BRSK1: variants seen among roughly 807,000 people sequenced by gnomAD.
The protein encoded by BRSK1 is BR serine/threonine kinase 1, also known as serine/threonine-protein kinase BRSK1.
BRSK1 carries 17 observed loss-of-function variants against 86.2 expected under a neutral mutation model. The ratio of observed to expected loss-of-function variants is 0.20; its 90% CI spans 0.14 to 0.30. The LOEUF is 0.30. BRSK1 is among the 10% of genes least tolerant of loss of function. BRSK1 has a pLI of 1.00. For synonymous variants in BRSK1, 464 were observed against 440.1 expected (o/e 1.05, Z -0.68); for missense variants, 719 against 1,071.9 (o/e 0.67, Z 4.60).
In BRSK1 at chr19:55,304,776, C is replaced by A; in HGVS notation, c.1573C>A (p.Arg525=). ...CTTGCACTCGCCTCTGCACACGCCC[C>A]GGGCCAGTCCCACCGGGACCCCGGG... ...TPLHSPLHTP[R]ASPTGTPGTT... is the part of the protein sequence containing the mutation. The change falls in exon 14 of 19, where the codon CGG becomes AGG. Residue 525 remains arginine, a synonymous_variant. Transcript: ENST00000309383. This position sits in a 1 kb window ranked among gnomAD's most constrained non-coding sequence, Gnocchi z 5.2. 6.4e-7 allele frequency: 1 copy of A among 1,553,960 alleles called. No individual in the cohort carries two copies.
chr19:55,292,314 T>G (rs1489833884), intron 4 of BRSK1, among the ~76,000 whole-genome samples: 2 of 152,170 alleles, frequency 1.3e-5, no homozygotes, highest in African/African-American at 4.8e-5. Context: ...GCATATCAGC[T>G]TTACCTCAAA....
chr19:55,292,037 G>A (rs1405580228), intron 4 of BRSK1, among the ~76,000 whole-genome samples: 1 of 152,184 alleles, frequency 6.6e-6, no homozygotes, highest in Non-Finnish European at 1.5e-5. Context: ...TGGGATGACA[G>A]GCTTGAGCCA....
At chr19:55,309,321 C>T (rs1396904499) in intron 18 of BRSK1, among the ~76,000 whole-genome samples, 2 of 152,160 alleles carry the variant, frequency 1.3e-5, no homozygotes, top group South Asian at 2.1e-4. Context: ...CCGGCCTTCC[C>T]GGGCTCCCAG....
Position 55,302,573 on chromosome 19 carries a change from GGGTAT to G in BRSK1, c.858-122_858-118del. ...CGAGGTCTGGGGCGTCTGGATTCCT[GGGTAT>G]GAGAGAGAAGGGGCCGGGGCCTAGA... On this transcript the variant is annotated intron_variant, in intron 9 of 18. Coordinates refer to ENST00000309383, the MANE Select transcript of BRSK1 (RefSeq NM_032430.2). This position sits in a 1 kb window ranked among gnomAD's most constrained non-coding sequence, Gnocchi z 6.3. 7.8e-7 allele frequency: 1 copy of G among 1,274,420 alleles called. No homozygotes were observed. The highest frequency in any genetic ancestry group is 2.3e-5 in the East Asian group (1 of 42,790). 78.9% of individuals were successfully genotyped at this position (1,274,420 alleles called of 1,614,324 possible).
At chr19:55,298,867 G>A (rs546445448) in intron 7 of BRSK1, among the ~76,000 whole-genome samples, 1 of 152,180 alleles carries the variant, frequency 6.6e-6, no homozygotes, top group African/African-American at 2.4e-5. Context: ...CCCTCTGATG[G>A]GCATGCTTTG....
Position 55,299,030 on chromosome 19 carries a change from G to A in BRSK1, c.679-2482G>A, listed in dbSNP as rs577404326. The stretch of plus-strand genomic sequence containing the variant: ...GGGCAGATCACGAAGTCAGGAGTTC[G>A]AGACCAGCCTGGCCAATCAGGAGGC... On this transcript the variant is annotated intron_variant, in intron 7 of 18. Coordinates refer to ENST00000309383, the MANE Select transcript of BRSK1 (RefSeq NM_032430.2). Among the ~76,000 whole-genome samples the A allele has an allele frequency of 7.6e-4, 116 of 152,146 alleles. 1 individual carries two copies. The highest frequency in any genetic ancestry group is 1.4e-3 in the Non-Finnish European group (96 of 67,974).
At position 55,302,690 on chromosome 19, in the gene BRSK1, TC is replaced by T. The variant is rs2088589689; in HGVS notation, c.858-3del. On this transcript the variant is annotated splice_region_variant and splice_polypyrimidine_tract_variant and intron_variant, in intron 9 of 18. Coordinates refer to ENST00000309383, the MANE Select transcript of BRSK1 (RefSeq NM_032430.2). This position sits in a 1 kb window ranked among gnomAD's most constrained non-coding sequence, Gnocchi z 6.3. Reference sequence around the variant, plus strand: ...CGGTTCCCAATAATGTTTCTCCACTTCCCCAGAGGCGGGAAACACGAGCCAG... The same window carrying T: ...CGGTTCCCAATAATGTTTCTCCACTTCCCAGAGGCGGGAAACACGAGCCAG... 6.3e-7 allele frequency: 1 copy of T among 1,599,532 alleles called. No individual in the cohort carries two copies. The highest frequency in any genetic ancestry group is 8.5e-7 in the Non-Finnish European group (1 of 1,170,298).
At chr19:55,309,454 CAG>C (rs2088731932) in intron 18 of BRSK1, among the ~76,000 whole-genome samples, 1 of 152,210 alleles carries the variant, frequency 6.6e-6, no homozygotes, top group East Asian at 1.9e-4. Context: ...TTACAAATAA[CAG>C]AAATTTATTG....
At chr19:55,308,767 GC>G (rs1322895611) in intron 18 of BRSK1, 39 bp downstream of exon 18, 32 of 311,092 alleles carry the variant, frequency 1.0e-4, no homozygotes, top group Non-Finnish European at 1.5e-4. Context: ...GGCGTGGGTG[GC>G]GGGGGCCGTG....
rs989950971 is a variant in BRSK1, at chr19:55,302,236, C to G, written c.857+68C>G. On this transcript the variant is annotated intron_variant, in intron 9 of 18. Coordinates refer to ENST00000309383, the MANE Select transcript of BRSK1 (RefSeq NM_032430.2). This position sits in a 1 kb window ranked among gnomAD's most constrained non-coding sequence, Gnocchi z 6.3. ...AGGGGAGGGGCCAAAGCAGTAGAAG[C>G]GGCTGGGAGGGGTGGGATGCCAGGG... 5 of 1,574,648 alleles carry G rather than the reference C, an allele frequency of 3.2e-6. No individual in the cohort carries two copies. The highest frequency in any genetic ancestry group is 2.7e-5 in the African/African-American group (2 of 73,950).
chr19:55,307,111 G>A (rs1337484987), intron 17 of BRSK1, among the ~76,000 whole-genome samples: 1 of 152,232 alleles, frequency 6.6e-6, no homozygotes, highest in African/African-American at 2.4e-5. Flanking sequence ...ATTTGGATAG[G>A]GAGGGATATC....
rs896974852 is a variant in BRSK1 at position 55,304,998 on chromosome 19, G to C, written c.1717+78G>C. The stretch of plus-strand genomic sequence containing the variant: ...AATCTGGTTCCAGGGATGTCCGTCT[G>C]GCGTGTCTAGAGAGGAAGGGACTGG... On this transcript the variant is annotated intron_variant, in intron 14 of 18. Coordinates refer to ENST00000309383, the MANE Select transcript of BRSK1 (RefSeq NM_032430.2). The surrounding 1 kb of genome is among the most constrained non-coding windows in gnomAD (Gnocchi z 5.2). 8 of 1,570,446 alleles carry C rather than the reference G, an allele frequency of 5.1e-6. No homozygotes were observed. The highest frequency in any genetic ancestry group is 2.3e-4 in the Middle Eastern group (1 of 4,340).
intron 17 of BRSK1, among the ~76,000 whole-genome samples, chr19:55,307,788 A>ACAC (rs1458252845): frequency 1.2e-4 from 12 of 97,876 alleles, no homozygotes; most frequent in African/African-American, 3.8e-4. Context: ...ACACACACAC[A>ACAC]ATTTAAAAAA....
rs138223768 is a variant in BRSK1 at position 55,287,187 on chromosome 19, C to T, written c.232-27C>T. Reference sequence around the variant, plus strand: ...GCGGGGCCGTGCTGACCTCTTTTCCCGTGTCCCCACCCCTCTTGACCCTCA... The same window carrying T: ...GCGGGGCCGTGCTGACCTCTTTTCCTGTGTCCCCACCCCTCTTGACCCTCA... On this transcript the variant is annotated intron_variant, in intron 2 of 18. Coordinates refer to ENST00000309383, the MANE Select transcript of BRSK1 (RefSeq NM_032430.2). This position sits in a 1 kb window ranked among gnomAD's most constrained non-coding sequence, Gnocchi z 5.3. The T allele has an allele frequency of 0.01, 16,682 of 1,613,766 alleles. 98 individuals are homozygous for T. Among genetic ancestry groups the T allele is most frequent in the Middle Eastern group, 0.013 (79 of 6,062 alleles).
chr19:55,306,708 G>A lies in BRSK1; in HGVS notation c.2089+258G>A, dbSNP rs981960057. Among the ~76,000 whole-genome samples, 1 of 152,184 alleles carries A rather than the reference G, an allele frequency of 6.6e-6. No individual in the cohort carries two copies. The highest frequency in any genetic ancestry group is 2.4e-5 in the African/African-American group (1 of 41,440). ...CCTTGAAGCTTCCAAGCAGCCTACT[G>A]AGGTGTTAGTAATCACCCATTTTAC... On this transcript the variant is annotated intron_variant, in intron 17 of 18. Coordinates refer to ENST00000309383, the MANE Select transcript of BRSK1 (RefSeq NM_032430.2). This position sits in a 1 kb window ranked among gnomAD's most constrained non-coding sequence, Gnocchi z 4.7.
chr19:55,304,591 A>G lies in BRSK1; in HGVS notation c.1388A>G (p.Asp463Gly). Residue 463 changes from aspartate to glycine, a missense_variant, in exon 14 of 19, where the codon GAT becomes GGT. Asp to Gly is a moderately conservative substitution (Grantham distance 94). Around this residue, in one of 6 missense-constraint regions of BRSK1, gnomAD observed 143 missense variants for 120.1 expected, o/e 1.19. Coordinates refer to ENST00000309383, the MANE Select transcript of BRSK1 (RefSeq NM_032430.2). This position sits in a 1 kb window ranked among gnomAD's most constrained non-coding sequence, Gnocchi z 5.2. ...FSFSPEPGAG[D>G]EARGGGSPTS... Reference sequence around the variant, plus strand: ...TTTTCACCGGAGCCGGGGGCTGGAGATGAGGCTCGAGGCGGGGGCTCCCCG... The same window carrying G: ...TTTTCACCGGAGCCGGGGGCTGGAGGTGAGGCTCGAGGCGGGGGCTCCCCG... 2.5e-6 allele frequency: 4 copies of G among 1,584,154 alleles called. No homozygotes were observed. Among genetic ancestry groups the G allele is most frequent in the Non-Finnish European group, 3.4e-6 (4 of 1,166,986 alleles).
chr19:55,301,379 T>G, intron 7 of BRSK1, 133 bp from the exon 8 acceptor site: 2 of 1,149,962 alleles, frequency 1.7e-6, no homozygotes, highest in Non-Finnish European at 2.4e-6. Context: ...TAGGGGCCTT[T>G]GGCAAATTGC....
At chr19:55,301,824 A>C (rs1344506019) in intron 8 of BRSK1, among the ~76,000 whole-genome samples, 166 bp downstream of exon 8, 1 of 152,304 alleles carries the variant, frequency 6.6e-6, no homozygotes, top group South Asian at 2.1e-4. Flanking sequence ...TGCCGCTCCA[A>C]ACTGGGGAGG....
At chr19:55,305,425 C>T (rs2088635391) in intron 15 of BRSK1, 38 bp from the exon 16 acceptor site, 1 of 1,614,154 alleles carries the variant, frequency 6.2e-7, no homozygotes, top group Non-Finnish European at 8.5e-7. Context: ...GCCCTCGGCG[C>T]CTTCCTAACC....
Sources: allele counts gnomAD v4.1 joint callset (sites outside exome capture counted in the v4.1 genomes callset), GRCh38; gene constraint gnomAD v4.1.1; regional missense constraint gnomAD v4.1.1; non-coding constraint Gnocchi (gnomAD v3.1); transcripts MANE v1.5; gene names NCBI Gene and HGNC (gene_info 2026-07-23, HGNC 2026-07-21).